The following MTMR2 variants were observed in gnomAD, a reference collection of about 807,000 sequenced individuals.
The protein encoded by MTMR2 is myotubularin related protein 2, also known as phosphatidylinositol-3,5-bisphosphate 3-phosphatase MTMR2.
A neutral mutation model predicts 86.9 loss-of-function variants in MTMR2; 55 were observed. The observed-to-expected ratio is 0.63, with a 90% CI of 0.51 to 0.79. The LOEUF (loss-of-function observed/expected upper bound fraction) is 0.79, where lower values mean the gene tolerates loss of function less well. MTMR2 is among the 30% of genes least tolerant of loss of function. MTMR2 has a pLI of 0.00. For synonymous variants in MTMR2, 241 were observed against 266.8 expected, an observed-to-expected ratio of 0.90 and a Z score of 0.94; for missense variants, 659 against 772.3, an observed-to-expected ratio of 0.85 and a Z score of 1.74.
intron 1 of MTMR2, among the ~76,000 whole-genome samples, chr11:95,907,623 T>C (rs961486533): frequency 6.6e-6 from 1 of 152,100 alleles, no homozygotes; most frequent in African/African-American, 2.4e-5. Flanking sequence ...AACAAAATAG[T>C]AGCAAATCGA....
At chr11:95,840,175 C>G (rs1343272252) in intron 12 of MTMR2, 1 of 152,038 alleles carries the variant, frequency 6.6e-6, no homozygotes, top group African/African-American at 2.4e-5. Flanking sequence ...TTTTTTCTAG[C>G]AAACATATCA....
intron 8 of MTMR2, among the ~76,000 whole-genome samples, chr11:95,850,154 A>G (rs1863961681): frequency 6.6e-6 from 1 of 151,888 alleles, no homozygotes; most frequent in African/African-American, 2.4e-5. Context: ...CCCACTTAAT[A>G]TATTAGTAAA....
intron 7 of MTMR2, among the ~76,000 whole-genome samples, chr11:95,855,983 A>C (rs1232912256): frequency 6.6e-6 from 1 of 152,258 alleles, no homozygotes; most frequent in Non-Finnish European, 1.5e-5. Flanking sequence ...ACTTTAAAAC[A>C]GTAAATTTTA....
chr11:95,888,179 C>T lies in MTMR2; in HGVS notation c.163G>A (p.Asp55Asn), dbSNP rs779277108. 4.3e-6 allele frequency: 7 copies of T among 1,612,510 alleles called. No individual in the cohort carries two copies. Among genetic ancestry groups the T allele is most frequent in the East Asian group, 2.2e-5 (1 of 44,804 alleles). The change falls in exon 2 of 15, where the codon GAC becomes AAC. Residue 55 changes from aspartate (D) to asparagine (N), a missense_variant. By Grantham distance (23) the Asp-to-Asn change is conservative. Coordinates refer to ENST00000346299, the MANE Select transcript of MTMR2 (RefSeq NM_016156.6). ...ACCCTCAAATCAGGAGAAAAGTTGT[C>T]GGCAGAAGTTGAAATGGAATCTGAT... ...VSSDSISTSA[D>N]NFSPDLRVLR...
chr11:95,906,909 G>A (rs1363458844), intron 1 of MTMR2, among the ~76,000 whole-genome samples: 4 of 151,912 alleles, frequency 2.6e-5, no homozygotes, highest in Non-Finnish European at 4.4e-5. Context: ...TCCCCATATC[G>A]AAAAATGAGA....
intron 1 of MTMR2, among the ~76,000 whole-genome samples, chr11:95,893,755 A>T (rs1182951269): frequency 6.6e-6 from 1 of 151,926 alleles, no homozygotes; most frequent in Non-Finnish European, 1.5e-5. Flanking sequence ...AATCTATCCA[A>T]AGTCCTGTAC....
intron 1 of MTMR2, among the ~76,000 whole-genome samples, chr11:95,891,458 A>G (rs1271006): frequency 0.033 from 5,036 of 151,884 alleles, 232 homozygotes; most frequent in African/African-American, 0.1. Flanking sequence ...CCAAAAAAAA[A>G]AAAGAAAGAA....
At chr11:95,921,900 A>G (rs1056389987) in intron 1 of MTMR2, among the ~76,000 whole-genome samples, 4 of 152,212 alleles carry the variant, frequency 2.6e-5, no homozygotes, top group Non-Finnish European at 5.9e-5. Flanking sequence ...ATACATATAT[A>G]ATCTTTATAC....
At chr11:95,837,970 T>C (rs1483696387) in intron 13 of MTMR2, 124 bp downstream of exon 13, 4 of 702,924 alleles carry the variant, frequency 5.7e-6, no homozygotes, top group East Asian at 2.8e-5. Context: ...CTCAATATTA[T>C]AGCATGTAAG....
intron 5 of MTMR2, among the ~76,000 whole-genome samples, chr11:95,861,402 G>GTTATTATTA (rs149187983): frequency 0.027 from 3,829 of 140,912 alleles, 96 homozygotes; most frequent in African/African-American, 0.062. Flanking sequence ...ATTAAAGATG[G>GTTATTATTA]TTATTATTAT....
At chr11:95,908,596 C>T (rs1866381381) in intron 1 of MTMR2, among the ~76,000 whole-genome samples, 1 of 152,092 alleles carries the variant, frequency 6.6e-6, no homozygotes, top group Non-Finnish European at 1.5e-5. Flanking sequence ...AACTATACTA[C>T]AAGGCTACAA....
chr11:95,897,760 G>C (rs1053714858), intron 1 of MTMR2, among the ~76,000 whole-genome samples: 2 of 152,034 alleles, frequency 1.3e-5, no homozygotes, highest in African/African-American at 4.8e-5. Flanking sequence ...TACATACACG[G>C]TTGGTTCAGT....
intron 2 of MTMR2, among the ~76,000 whole-genome samples, chr11:95,868,273 TAAAAAAAAAAAAAAAA>T (rs555618890): frequency 4.7e-5 from 2 of 42,214 alleles, no homozygotes; most frequent in Non-Finnish European, 7.9e-5. Context: ...GACCCTGTGC[TAAAAAAAAAAAAAAAA>T]AAAAAAAAAA....
At chr11:95,870,867 C>T (rs1864848983) in intron 2 of MTMR2, among the ~76,000 whole-genome samples, 1 of 151,734 alleles carries the variant, frequency 6.6e-6, no homozygotes, top group African/African-American at 2.4e-5. Context: ...GGTATATCTC[C>T]TAATGCTATC....
At chr11:95,877,904 TTC>T (rs1424871204) in intron 2 of MTMR2, among the ~76,000 whole-genome samples, 1 of 151,980 alleles carries the variant, frequency 6.6e-6, no homozygotes, top group African/African-American at 2.4e-5. Flanking sequence ...AAGAATAAAT[TTC>T]TGTTGTTTTA....
intron 5 of MTMR2, 61 bp downstream of exon 5, chr11:95,861,931 G>T (rs1864433853): frequency 4.2e-6 from 5 of 1,190,622 alleles, no homozygotes; most frequent in Non-Finnish European, 4.9e-6. Context: ...CAAAACAGAG[G>T]TTCTATTTAA....
intron 3 of MTMR2, among the ~76,000 whole-genome samples, chr11:95,864,329 GA>G: frequency 6.6e-6 from 1 of 152,238 alleles, no homozygotes; most frequent in East Asian, 1.9e-4. Context: ...GCTATTAAAG[GA>G]AGAAGAGCCA....
chr11:95,837,153 A>G (rs1863321786), intron 13 of MTMR2, among the ~76,000 whole-genome samples: 1 of 152,076 alleles, frequency 6.6e-6, no homozygotes, highest in Non-Finnish European at 1.5e-5. Flanking sequence ...TGCATGCTAG[A>G]CACTGAAGAC....
intron 1 of MTMR2, among the ~76,000 whole-genome samples, chr11:95,920,070 T>C (rs1033600328): frequency 1.3e-5 from 2 of 152,210 alleles, no homozygotes; most frequent in Non-Finnish European, 2.9e-5. Flanking sequence ...AGTATTATTT[T>C]ACCTATATCT....
Sources: gnomAD v4.1 joint callset for allele counts (sites outside exome capture counted in the v4.1 genomes callset) on GRCh38, gnomAD v4.1.1 for gene constraint, MANE v1.5 for transcripts, NCBI Gene and HGNC (gene_info 2026-07-23, HGNC 2026-07-21) for gene names.